Variants in ITGA9 observed in about 807,000 individuals in gnomAD.
ITGA9 encodes the protein integrin alpha-9.
Under a neutral mutation model 127.8 loss-of-function variants are expected in ITGA9, and 56 were observed. The observed-to-expected ratio is 0.44, with a 90% CI of 0.35 to 0.55. The LOEUF is 0.55. Among genes scored for constraint, ITGA9 ranks in the 20% least tolerant of loss-of-function variants. The probability of loss-of-function intolerance (pLI) is 0.00; values close to 1 mark genes in which losing one functional copy is unlikely to be tolerated. For synonymous variants in ITGA9, 508 were observed against 514.5 expected, an observed-to-expected ratio of 0.99 and a Z score of 0.17; for missense variants, 1,196 against 1,347.1, an observed-to-expected ratio of 0.89 and a Z score of 1.76.
At chr3:37,763,647 A>C (rs1361598818) in intron 23 of ITGA9, among the ~76,000 whole-genome samples, 1 of 152,232 alleles carries the variant, frequency 6.6e-6, no homozygotes, top group Admixed American at 6.5e-5. Flanking sequence ...TGACTTAGCT[A>C]TGCTTAGAGG....
At chr3:37,594,831 G>A (rs1699853788) in intron 15 of ITGA9, among the ~76,000 whole-genome samples, 1 of 152,168 alleles carries the variant, frequency 6.6e-6, no homozygotes, top group Non-Finnish European at 1.5e-5. Flanking sequence ...CCAGGCTAGA[G>A]CGCAGTAACT....
chr3:37,558,486 T>G (rs773371643), intron 15 of ITGA9, among the ~76,000 whole-genome samples: 1 of 152,174 alleles, frequency 6.6e-6, no homozygotes, highest in Non-Finnish European at 1.5e-5. Flanking sequence ...TCAATTCACT[T>G]CTGTTTCTAC....
chr3:37,584,680 G>A (rs775750657), intron 15 of ITGA9, among the ~76,000 whole-genome samples: 6 of 151,982 alleles, frequency 3.9e-5, no homozygotes, highest in East Asian at 1.9e-4. Context: ...GCTTGAACTC[G>A]GGAGACGGAG....
intron 15 of ITGA9, among the ~76,000 whole-genome samples, chr3:37,584,576 G>A (rs1699739559): frequency 6.6e-6 from 1 of 152,016 alleles, no homozygotes; most frequent in African/African-American, 2.4e-5. Flanking sequence ...CCAACGCGAT[G>A]AAACCCCATC....
chr3:37,540,288 C>T (rs1179177673), intron 14 of ITGA9, among the ~76,000 whole-genome samples: 2 of 152,244 alleles, frequency 1.3e-5, no homozygotes, highest in Non-Finnish European at 2.9e-5. Flanking sequence ...CATTGGTTCA[C>T]CCAACTGTGG....
intron 15 of ITGA9, among the ~76,000 whole-genome samples, chr3:37,560,714 A>AT (rs1468635590): frequency 4.6e-5 from 7 of 151,624 alleles, no homozygotes; most frequent in Admixed American, 2.0e-4. Flanking sequence ...GATGATGAGC[A>AT]TTTTTTTTTC....
chr3:37,618,864 C>A (rs958580049), intron 15 of ITGA9, among the ~76,000 whole-genome samples: 9 of 152,186 alleles, frequency 5.9e-5, no homozygotes, highest in African/African-American at 2.2e-4. Context: ...ATCTGTCACC[C>A]CTTTCTTTGA....
chr3:37,589,018 C>G (rs937299722), intron 15 of ITGA9, among the ~76,000 whole-genome samples: 2 of 152,212 alleles, frequency 1.3e-5, no homozygotes, highest in Non-Finnish European at 2.9e-5. Flanking sequence ...GCTTTGGAAA[C>G]AGGCTGTGGT....
Position 37,819,709 on chromosome 3 carries a change from C to T in ITGA9, c.*720C>T, listed in dbSNP as rs994679098. 1 of 152,526 alleles carries T rather than the reference C, an allele frequency of 6.6e-6. No homozygotes were observed. The highest frequency in any genetic ancestry group is 2.1e-4 in the South Asian group (1 of 4,836). 9.4% of individuals were successfully genotyped at this position (152,526 alleles called of 1,614,324 possible). On this transcript the variant is annotated 3_prime_UTR_variant, in exon 28 of 28. Transcript: ENST00000264741. ...CCCAACAAGAATTTGGATGGAAAAC[C>T]TGATCCCTAGCAAGAAGTCTGCTCT...
intron 17 of ITGA9, among the ~76,000 whole-genome samples, chr3:37,666,463 T>G (rs1310949977): frequency 1.3e-5 from 2 of 152,364 alleles, no homozygotes; most frequent in Admixed American, 6.5e-5. Flanking sequence ...TGTTTGGGTC[T>G]TCTGGTCTCA....
intron 15 of ITGA9, among the ~76,000 whole-genome samples, chr3:37,586,911 T>C (rs1258866324): frequency 6.6e-6 from 1 of 152,234 alleles, no homozygotes; most frequent in African/African-American, 2.4e-5. Flanking sequence ...ATCCACACCC[T>C]TTCTTCTGTC....
intron 13 of ITGA9, among the ~76,000 whole-genome samples, chr3:37,527,772 C>T (rs1699108278): frequency 1.0e-5 from 1 of 97,794 alleles, no homozygotes; most frequent in African/African-American, 4.0e-5. Context: ...CAGTTGAAAA[C>T]AGGCTTTTTT....
chr3:37,478,588 C>T (rs1698518356), intron 3 of ITGA9, among the ~76,000 whole-genome samples: 1 of 152,164 alleles, frequency 6.6e-6, no homozygotes, highest in Non-Finnish European at 1.5e-5. Context: ...GAATGCTCTC[C>T]TTCTCCTGTT....
At chr3:37,569,001 A>G (rs1298618442) in intron 15 of ITGA9, among the ~76,000 whole-genome samples, 1 of 152,158 alleles carries the variant, frequency 6.6e-6, no homozygotes, top group Non-Finnish European at 1.5e-5. Flanking sequence ...CCGTTTTCAC[A>G]CTGCTGATAA....
chr3:37,711,570 A>AT (rs1178184422), intron 18 of ITGA9, among the ~76,000 whole-genome samples: 1 of 151,976 alleles, frequency 6.6e-6, no homozygotes, highest in Non-Finnish European at 1.5e-5. Context: ...CGTCCTGCTC[A>AT]TTTTTTAATT....
intron 3 of ITGA9, among the ~76,000 whole-genome samples, chr3:37,476,775 G>A (rs1369809373): frequency 1.3e-5 from 2 of 152,108 alleles, no homozygotes; most frequent in African/African-American, 4.8e-5. Flanking sequence ...TATATTGTGT[G>A]TATAATTTAT....
At chr3:37,652,604 C>T (rs1387244701) in intron 16 of ITGA9, among the ~76,000 whole-genome samples, 1 of 152,196 alleles carries the variant, frequency 6.6e-6, no homozygotes, top group Non-Finnish European at 1.5e-5. Context: ...AGCACGTTTG[C>T]TGGCGCCCAC....
rs775857944 is a variant in ITGA9, at chr3:37,481,522, C to T, written c.459C>T (p.Ala153=). Reference sequence around the variant, plus strand: ...GCTGGAAGAACATCTACTATGAAGCCGACCACATCCTACCCCATGGCTTCT... The same window carrying T: ...GCTGGAAGAACATCTACTATGAAGCTGACCACATCCTACCCCATGGCTTCT... The part of the protein sequence containing the change: ...AHRWKNIYYE[A]DHILPHGFCY... The change falls in exon 4 of 28, where the codon GCC becomes GCT. Residue 153 remains alanine (A), a synonymous_variant. Transcript: ENST00000264741. The T allele has an allele frequency of 2.4e-5, 38 of 1,614,046 alleles. No homozygotes were observed. Among genetic ancestry groups the T allele is most frequent in the East Asian group, 6.7e-5 (3 of 44,886 alleles).
At chr3:37,517,710 G>A in intron 10 of ITGA9, 101 bp downstream of exon 10, 1 of 860,422 alleles carries the variant, frequency 1.2e-6, no homozygotes, top group Non-Finnish European at 1.9e-6. Context: ...CTAGTGGCAT[G>A]CTCCTGGGTC....
Sources: gnomAD v4.1 joint callset for allele counts (sites outside exome capture counted in the v4.1 genomes callset) on GRCh38, gnomAD v4.1.1 for gene constraint, MANE v1.5 for transcripts, NCBI Gene and HGNC (gene_info 2026-07-23, HGNC 2026-07-21) for gene names.